The following ARHGEF10L variants were observed in gnomAD, a reference collection of about 807,000 sequenced individuals.
The protein encoded by ARHGEF10L is Rho guanine nucleotide exchange factor 10 like, also known as rho guanine nucleotide exchange factor 10-like protein.
ARHGEF10L carries 69 observed loss-of-function variants against 141.2 expected under a neutral mutation model. That is an observed-to-expected ratio of 0.49 (90% confidence interval 0.40 to 0.60). The LOEUF is 0.60. Ranked by LOEUF, ARHGEF10L falls within the 20% of genes least tolerant of loss-of-function variation. ARHGEF10L has a pLI of 0.00. For synonymous variants in ARHGEF10L, 711 were observed against 718.5 expected (o/e 0.99, Z 0.17); for missense variants, 1,482 against 1,734.3 (o/e 0.85, Z 2.58).
At chr1:17,616,507 G>A (rs1293369304) in intron 9 of ARHGEF10L, among the ~76,000 whole-genome samples, 1 of 152,182 alleles carries the variant, frequency 6.6e-6, no homozygotes, top group African/African-American at 2.4e-5. Flanking sequence ...TGGCTCACCT[G>A]TCCTCATCTT....
chr1:17,592,753 T>C (rs1300409248), intron 4 of ARHGEF10L, among the ~76,000 whole-genome samples: 1 of 150,892 alleles, frequency 6.6e-6, no homozygotes, highest in Non-Finnish European at 1.5e-5. Flanking sequence ...TTTGGAATCC[T>C]GGGCTTCTCC....
chr1:17,544,127 T>G (rs893942611), intron 1 of ARHGEF10L, among the ~76,000 whole-genome samples: 4 of 148,520 alleles, frequency 2.7e-5, no homozygotes, highest in Non-Finnish European at 5.9e-5. Flanking sequence ...TAATTTTTTG[T>G]ATTTTAGTAG....
At chr1:17,595,281 G>T (rs1296817892) in intron 4 of ARHGEF10L, among the ~76,000 whole-genome samples, 2 of 147,734 alleles carry the variant, frequency 1.4e-5, no homozygotes, top group East Asian at 2.0e-4. Flanking sequence ...TTCCCCAGGG[G>T]AACTTGTATT....
chr1:17,579,336 A>G (rs973159342), intron 1 of ARHGEF10L, among the ~76,000 whole-genome samples: 1 of 151,984 alleles, frequency 6.6e-6, no homozygotes, highest in Non-Finnish European at 1.5e-5. Context: ...CTAACTTTTC[A>G]TTGTCTACCT....
rs2077416469 is a variant in ARHGEF10L, at chr1:17,558,213, C to A, written c.-44+18263C>A. On this transcript the variant is annotated intron_variant, in intron 1 of 28. Transcript: ENST00000361221. The surrounding 1 kb of genome is among the most constrained non-coding windows in gnomAD (Gnocchi z 4.2). ...CCCATCCATCCATCCATCCATCCAT[C>A]CGCCTGCCCATCCATTCATCCATTT... Among the ~76,000 whole-genome samples the A allele has an allele frequency of 6.6e-6, 1 of 152,002 alleles. No individual in the cohort carries two copies. Among genetic ancestry groups the A allele is most frequent in the Admixed American group, 6.6e-5 (1 of 15,266 alleles).
chr1:17,632,308 G>T lies in ARHGEF10L; in HGVS notation c.1585-13G>T. 6.2e-7 allele frequency: 1 copy of T among 1,613,416 alleles called. No homozygotes were observed. The highest frequency in any genetic ancestry group is 8.5e-7 in the Non-Finnish European group (1 of 1,179,984). On this transcript the variant is annotated splice_polypyrimidine_tract_variant and intron_variant, in intron 15 of 28. Transcript: ENST00000361221. ...CGCGATGCTGATGCTGACCTTCCCT[G>T]CCCCTCCTCCAGCTGTTGACCTCAG...
Position 17,640,439 on chromosome 1 carries a change from G to A in ARHGEF10L, c.2272+137G>A, listed in dbSNP as rs2061266110. 1.0e-5 allele frequency: 7 copies of A among 702,286 alleles called. No homozygotes were observed. In the South Asian group the frequency reaches 1.2e-4, roughly 12 times the overall value. 43.5% of individuals were successfully genotyped at this position (702,286 alleles called of 1,614,324 possible). A position where few individuals can be genotyped will look rare whatever the true frequency, so the allele number is the denominator to read the frequency against. On this transcript the variant is annotated intron_variant, in intron 21 of 28. Coordinates refer to ENST00000361221, the MANE Select transcript of ARHGEF10L (RefSeq NM_018125.4). ...CTTCTGAGTGGGAGGGAGGTGGTGC[G>A]GTGGAGAAACAGCTGGGGCCAGAGC...
At chr1:17,687,135 C>T (rs565319326) in intron 26 of ARHGEF10L, among the ~76,000 whole-genome samples, 101 of 152,304 alleles carry the variant, frequency 6.6e-4, no homozygotes, top group African/African-American at 2.3e-3. Context: ...AAATCATTTA[C>T]ATAAACCACA....
Position 17,607,704 on chromosome 1 carries a change from C to G in ARHGEF10L, c.434-98C>G, listed in dbSNP as rs961247282. Reference sequence around the variant, plus strand: ...GGGCCCCCATGTTCTCCCTGACCCCCCCTCGCCCCACCTGGGTTCAGAAAT... The same window carrying G: ...GGGCCCCCATGTTCTCCCTGACCCCGCCTCGCCCCACCTGGGTTCAGAAAT... On this transcript the variant is annotated intron_variant, in intron 6 of 28. Transcript: ENST00000361221. The surrounding 1 kb of genome is among the most constrained non-coding windows in gnomAD (Gnocchi z 4.5). 5 of 1,287,166 alleles carry G rather than the reference C, an allele frequency of 3.9e-6. No homozygotes were observed. The highest frequency in any genetic ancestry group is 3.6e-5 in the Admixed American group (1 of 28,008). 79.7% of individuals were successfully genotyped at this position (1,287,166 alleles called of 1,614,324 possible).
intron 7 of ARHGEF10L, among the ~76,000 whole-genome samples, chr1:17,609,297 T>A (rs2059420048): frequency 6.6e-6 from 1 of 152,158 alleles, no homozygotes; most frequent in Non-Finnish European, 1.5e-5. Context: ...GCTCCCTGAG[T>A]CCTGAGCAAG....
chr1:17,519,852 AAAG>A, the ARHGEF10L span, among the ~76,000 whole-genome samples: 1 of 152,154 alleles, frequency 6.6e-6, no homozygotes, highest in South Asian at 2.1e-4. Flanking sequence ...CAAAAAAAAA[AAAG>A]AGGAAACTGA....
At chr1:17,594,600 G>A (rs553850235) in intron 4 of ARHGEF10L, among the ~76,000 whole-genome samples, 64 of 152,094 alleles carry the variant, frequency 4.2e-4, no homozygotes, top group African/African-American at 1.3e-3. Context: ...CTTCTGCCTC[G>A]GCCTCCCGAG....
chr1:17,620,859 T>C (rs2101431870), intron 10 of ARHGEF10L, among the ~76,000 whole-genome samples: 1 of 152,258 alleles, frequency 6.6e-6, no homozygotes, highest in East Asian at 1.9e-4. Flanking sequence ...CCTGGGAAGA[T>C]TTCAAAGTCC....
upstream of ARHGEF10L, among the ~76,000 whole-genome samples, chr1:17,535,883 C>T (rs562085047): frequency 2.1e-3 from 314 of 152,204 alleles, 1 homozygote; most frequent in Non-Finnish European, 3.2e-3. Context: ...GGATACCACC[C>T]GGAATGAGAC....
intron 25 of ARHGEF10L, among the ~76,000 whole-genome samples, chr1:17,660,686 CT>C (rs2062567598): frequency 6.6e-6 from 1 of 152,236 alleles, no homozygotes; most frequent in African/African-American, 2.4e-5. Context: ...GGATGCCAGC[CT>C]CCTGAAGGTG....
chr1:17,533,837 TG>T, the ARHGEF10L span, among the ~76,000 whole-genome samples: 6 of 152,204 alleles, frequency 3.9e-5, no homozygotes, highest in Non-Finnish European at 8.8e-5. Flanking sequence ...TGTTCATGAT[TG>T]GCTTGATGAT....
chr1:17,681,856 T>A (rs111647621), intron 26 of ARHGEF10L, among the ~76,000 whole-genome samples: 172 of 152,318 alleles, frequency 1.1e-3, no homozygotes, highest in African/African-American at 4.0e-3. Flanking sequence ...CCATGGGTGA[T>A]CCTTGGTGAT....
At chr1:17,608,671 C>T (rs1186666525) in intron 7 of ARHGEF10L, among the ~76,000 whole-genome samples, 1 of 152,188 alleles carries the variant, frequency 6.6e-6, no homozygotes, top group Non-Finnish European at 1.5e-5. Context: ...GCGGAAGCCA[C>T]CAAGAGGCAG....
Position 17,540,642 on chromosome 1 carries a change from C to A in ARHGEF10L, c.-44+692C>A, listed in dbSNP as rs529633371. Among the ~76,000 whole-genome samples the A allele has an allele frequency of 7.3e-4, 111 of 152,236 alleles. No individual in the cohort carries two copies. The Middle Eastern group carries it at 0.01, about 14-fold the overall frequency. ...TGGGGACAATTCTTCCTCCCTCTGC[C>A]AAAGCGGGGCCCTGGGGCGGGGGTC... On this transcript the variant is annotated intron_variant, in intron 1 of 28. Coordinates refer to ENST00000361221, the MANE Select transcript of ARHGEF10L (RefSeq NM_018125.4).
Sources: allele counts gnomAD v4.1 joint callset (sites outside exome capture counted in the v4.1 genomes callset), GRCh38; gene constraint gnomAD v4.1.1; non-coding constraint Gnocchi (gnomAD v3.1); transcripts MANE v1.5; gene names NCBI Gene and HGNC (gene_info 2026-07-23, HGNC 2026-07-21).